The following AFF3 variants were observed in gnomAD, a reference collection of about 807,000 sequenced individuals.
AFF3 encodes AF4/FMR2 family member 3.
A neutral mutation model predicts 129.7 loss-of-function variants in AFF3; 32 were observed. The ratio of observed to expected loss-of-function variants is 0.25; its 90% CI spans 0.19 to 0.33. The LOEUF (loss-of-function observed/expected upper bound fraction) is 0.33, where lower values mean the gene tolerates loss of function less well. Among genes scored for constraint, AFF3 ranks in the 10% least tolerant of loss-of-function variants. The pLI is 1.00. For missense variants in AFF3, 1,373 were observed against 1,592.0 expected, an observed-to-expected ratio of 0.86 and a Z score of 2.34; for synonymous variants, 644 against 635.4, an observed-to-expected ratio of 1.01 and a Z score of -0.20.
chr2:100,068,045 C>A (rs929796434), intron 4 of AFF3, among the ~76,000 whole-genome samples: 1 of 152,164 alleles, frequency 6.6e-6, no homozygotes, highest in African/African-American at 2.4e-5. Flanking sequence ...AGGAACTGTT[C>A]AGGAACAGTT....
chr2:99,790,600 G>A (rs1441876822), intron 8 of AFF3, among the ~76,000 whole-genome samples: 1 of 152,164 alleles, frequency 6.6e-6, no homozygotes, highest in Non-Finnish European at 1.5e-5. Context: ...AATGTCTGGA[G>A]ATATGTTTGG....
At chr2:99,742,471 G>A (rs902472947) in intron 10 of AFF3, among the ~76,000 whole-genome samples, 3 of 152,160 alleles carry the variant, frequency 2.0e-5, no homozygotes, top group Admixed American at 6.6e-5. Context: ...ATCATGTCTT[G>A]TAGAAGAAGC....
Position 100,007,338 on chromosome 2 carries a change from C to T in AFF3, c.297G>A (p.Gly99=), listed in dbSNP as rs1351099896. 2.5e-6 allele frequency: 4 copies of T among 1,613,890 alleles called. No homozygotes were observed. The South Asian group carries it at 3.3e-5, about 13-fold the overall frequency. The change falls in exon 6 of 25, where the codon GGG becomes GGA. Residue 99 remains glycine (G), a synonymous_variant. Transcript: ENST00000672756. ...QSHLVGVPKP[G]VPQTPVNKID... ...TCTTGTTCACAGGAGTCTGAGGAAC[C>T]CCAGGTTTGGGAACTCCAACGAGAT...
chr2:100,125,339 A>G (rs561960378), intron 2 of AFF3, among the ~76,000 whole-genome samples: 1 of 152,260 alleles, frequency 6.6e-6, no homozygotes, highest in African/African-American at 2.4e-5. Context: ...ATCATCTATT[A>G]TTGACAGATT....
At position 99,793,420 on chromosome 2, in the gene AFF3, C is replaced by T. The variant is rs574478916; in HGVS notation, c.922-41119G>A. ...TACAGCAACACAAAACAGACTAACA[C>T]ACATGGAATTTGGGGGAATTACAAA... On this transcript the variant is annotated intron_variant, in intron 8 of 24. Coordinates refer to ENST00000672756, the MANE Select transcript of AFF3 (RefSeq NM_001386135.1). Among the ~76,000 whole-genome samples, 3 of 152,304 alleles carry T rather than the reference C, an allele frequency of 2.0e-5. No individual in the cohort carries two copies. In the South Asian group the frequency reaches 6.2e-4, roughly 32 times the overall value.
rs1674069576 is a variant in AFF3, at chr2:99,546,213, C to T, written c.*5261G>A. 1 of 231,702 alleles carries T rather than the reference C, an allele frequency of 4.3e-6. No individual in the cohort carries two copies. Among genetic ancestry groups the T allele is most frequent in the Non-Finnish European group, 8.5e-6 (1 of 117,116 alleles). 14.4% of individuals were successfully genotyped at this position (231,702 alleles called of 1,614,324 possible). ...ATAGGGACAGACTTCAGCTGTGTAG[C>T]AGGCAAAGCTACAGAAGAGAACGTT... On this transcript the variant is annotated 3_prime_UTR_variant, in exon 25 of 25. Transcript: ENST00000672756.
chr2:99,778,902 G>A (rs1325849424), intron 8 of AFF3, among the ~76,000 whole-genome samples: 52 of 4,690 alleles, frequency 0.011, no homozygotes, highest in African/African-American at 0.048. Flanking sequence ...GTGCGCGTGT[G>A]TGTGTGTGTG....
At chr2:99,576,998 AGT>A (rs1677062678) in intron 18 of AFF3, among the ~76,000 whole-genome samples, 1 of 152,022 alleles carries the variant, frequency 6.6e-6, no homozygotes. Flanking sequence ...GAGGGCCAGG[AGT>A]GTGTGTGGGG....
At chr2:99,633,020 G>GT (rs1348524318) in intron 13 of AFF3, among the ~76,000 whole-genome samples, 2 of 151,192 alleles carry the variant, frequency 1.3e-5, no homozygotes, top group African/African-American at 2.4e-5. Flanking sequence ...GTCGCTTTTT[G>GT]TTTTTTTAGT....
intron 20 of AFF3, 110 bp downstream of exon 20, chr2:99,565,377 C>T: frequency 6.8e-7 from 1 of 1,465,246 alleles, no homozygotes. Context: ...GGGATGAACA[C>T]TGGTTCCTGG....
At chr2:100,004,834 T>C (rs1042518455) in intron 7 of AFF3, among the ~76,000 whole-genome samples, 1 of 151,778 alleles carries the variant, frequency 6.6e-6, no homozygotes, top group Non-Finnish European at 1.5e-5. Context: ...CTTTTAACTA[T>C]GATAAACACT....
rs557673174 is a variant in AFF3 at position 99,952,197 on chromosome 2, A to G, written c.873+54435T>C. On this transcript the variant is annotated intron_variant, in intron 7 of 24. Transcript: ENST00000672756. ...TTTGCCCTTTGCTGCTGTTCTTGTG[A>G]CAGTGAGTGGGTTATTGCAAGATCT... is the stretch of plus-strand genomic sequence containing the variant. Among the ~76,000 whole-genome samples, 11 of 152,200 alleles carry G rather than the reference A, an allele frequency of 7.2e-5. No homozygotes were observed. The East Asian group carries it at 2.1e-3, about 29-fold the overall frequency.
chr2:99,681,188 G>A (rs1674492913), intron 11 of AFF3, among the ~76,000 whole-genome samples: 1 of 152,188 alleles, frequency 6.6e-6, no homozygotes, highest in Non-Finnish European at 1.5e-5. Context: ...CATAAGAGCT[G>A]AAGGTCATGA....
chr2:100,064,886 A>G (rs1011371242), intron 4 of AFF3, among the ~76,000 whole-genome samples: 13 of 152,366 alleles, frequency 8.5e-5, no homozygotes, highest in African/African-American at 3.1e-4. Context: ...CATATACATC[A>G]GCTAGCCAGA....
At chr2:99,977,488 A>T (rs887780336) in intron 7 of AFF3, among the ~76,000 whole-genome samples, 3 of 152,236 alleles carry the variant, frequency 2.0e-5, no homozygotes, top group African/African-American at 7.2e-5. Context: ...TGGTAGTAGA[A>T]ATTGTGTGAA....
At chr2:100,116,935 A>G (rs1691758123) in intron 2 of AFF3, among the ~76,000 whole-genome samples, 1 of 152,124 alleles carries the variant, frequency 6.6e-6, no homozygotes, top group Non-Finnish European at 1.5e-5. Flanking sequence ...ATAATTGAAG[A>G]GTATTTTTGC....
chr2:99,563,851 C>A (rs1384327427), intron 20 of AFF3, among the ~76,000 whole-genome samples: 1 of 148,684 alleles, frequency 6.7e-6, no homozygotes, highest in African/African-American at 2.5e-5. Flanking sequence ...AGAAAAAGAG[C>A]CAAATTTGTC....
At chr2:100,130,527 G>A (rs1026953349) in intron 1 of AFF3, among the ~76,000 whole-genome samples, 16 of 152,298 alleles carry the variant, frequency 1.1e-4, no homozygotes, top group Non-Finnish European at 2.1e-4. Context: ...CTCCATCCAC[G>A]GGCTCAGCCG....
chr2:99,637,801 C>T (rs914238964), intron 13 of AFF3, among the ~76,000 whole-genome samples: 1 of 152,054 alleles, frequency 6.6e-6, no homozygotes, highest in Admixed American at 6.5e-5. Context: ...AGACGTCATG[C>T]GTATTGGATA....
Sources: allele counts gnomAD v4.1 joint callset (sites outside exome capture counted in the v4.1 genomes callset), GRCh38; gene constraint gnomAD v4.1.1; transcripts MANE v1.5; gene names NCBI Gene and HGNC (gene_info 2026-07-23, HGNC 2026-07-21).